TSPAN1: variants seen among roughly 807,000 people sequenced by gnomAD.
TSPAN1 encodes the protein tetraspanin 1, also known as tetraspanin-1.
Under a neutral mutation model 26.9 loss-of-function variants are expected in TSPAN1, and 23 were observed. The observed-to-expected ratio is 0.85, with a 90% confidence interval of 0.62 to 1.21. The LOEUF is 1.21. TSPAN1 is among the 50% of genes most tolerant of loss of function. The probability of loss-of-function intolerance (pLI) is 0.00; values close to 1 mark genes in which losing one functional copy is unlikely to be tolerated. For synonymous variants in TSPAN1, 115 were observed against 114.8 expected, an observed-to-expected ratio of 1.00 and a Z score of -0.01; for missense variants, 283 against 298.4, an observed-to-expected ratio of 0.95 and a Z score of 0.38.
At chr1:46,190,913 A>G, downstream of TSPAN1, 4 of 856,702 alleles carry the variant, frequency 4.7e-6, no homozygotes, top group South Asian at 5.6e-5. Flanking sequence ...CTAATTTCCC[A>G]CCGTCTTCTC....
downstream of TSPAN1, among the ~76,000 whole-genome samples, chr1:46,187,279 T>C (rs1657454949): frequency 6.6e-6 from 1 of 152,156 alleles, no homozygotes; most frequent in Non-Finnish European, 1.5e-5. Context: ...ATGGTACTAG[T>C]TCCACTTGAA....
At chr1:46,188,220 T>A (rs1657481197), downstream of TSPAN1, among the ~76,000 whole-genome samples, 1 of 152,198 alleles carries the variant, frequency 6.6e-6, no homozygotes, top group Non-Finnish European at 1.5e-5. Context: ...ACACCCTTGC[T>A]CCTACATCTC....
chr1:46,181,205 G>A lies in TSPAN1; in HGVS notation c.57+41G>A, dbSNP rs1260324208. ...GTGGACTCTTTGGGGCTCCCTATAG[G>A]AGCAGGTCACAAGCTGAGTAGAGAC... On this transcript the variant is annotated intron_variant, in intron 3 of 8. Transcript: ENST00000372003. 4.4e-6 allele frequency: 7 copies of A among 1,589,524 alleles called. No individual in the cohort carries two copies. The South Asian group carries it at 7.9e-5, about 18-fold the overall frequency.
chr1:46,195,597 T>C, the TSPAN1 span: 19 of 626,088 alleles, frequency 3.0e-5, no homozygotes, highest in East Asian at 5.4e-4. Context: ...TTGTTTCCCA[T>C]TGTATCTTCA....
intron 1 of TSPAN1, chr1:46,176,587 C>T: frequency 7.9e-7 from 1 of 1,260,486 alleles, no homozygotes; most frequent in Non-Finnish European, 1.1e-6. Flanking sequence ...AGTCGTGGGC[C>T]CTGGCCCCTC....
At chr1:46,175,658 T>A (rs1657117179) in intron 1 of TSPAN1, 1 of 399,626 alleles carries the variant, frequency 2.5e-6, no homozygotes, top group Admixed American at 4.4e-5. Flanking sequence ...GGGAAGAGTT[T>A]GAGGAAGGAA....
At chr1:46,180,158 C>G (rs1657282323) in intron 1 of TSPAN1, among the ~76,000 whole-genome samples, 1 of 152,238 alleles carries the variant, frequency 6.6e-6, no homozygotes, top group Non-Finnish European at 1.5e-5. Flanking sequence ...ATGTATGTAA[C>G]TGGGTGCTTG....
At chr1:46,178,073 G>T (rs933303087) in intron 1 of TSPAN1, among the ~76,000 whole-genome samples, 80 of 152,264 alleles carry the variant, frequency 5.3e-4, no homozygotes, top group Non-Finnish European at 1.5e-4. Context: ...GAAACAGAAA[G>T]GTTCCAGGTG....
At chr1:46,194,840 G>C in the TSPAN1 span, 1 of 1,614,022 alleles carries the variant, frequency 6.2e-7, no homozygotes, top group Non-Finnish European at 8.5e-7. Context: ...TCTGATGCCG[G>C]CACCTCCTTT....
At chr1:46,186,748 G>A (rs571152654), downstream of TSPAN1, among the ~76,000 whole-genome samples, 14 of 141,980 alleles carry the variant, frequency 9.9e-5, no homozygotes, top group Non-Finnish European at 1.7e-4. Flanking sequence ...TGCAGGCTCC[G>A]CCCCCTGGGG....
the TSPAN1 span, among the ~76,000 whole-genome samples, chr1:46,196,297 A>C: frequency 6.6e-6 from 1 of 152,130 alleles, no homozygotes; most frequent in African/African-American, 2.4e-5. This position sits in a 1 kb window ranked among gnomAD's most constrained non-coding sequence, Gnocchi z 4.4. Flanking sequence ...CCTCCCCTCC[A>C]TGACTTTCAT....
intron 7 of TSPAN1, 54 bp downstream of exon 7, chr1:46,185,169 A>G (rs1657400779): frequency 6.2e-7 from 1 of 1,614,100 alleles, no homozygotes. Flanking sequence ...AGAGTGGCAA[A>G]CGGGGATGGG....
At chr1:46,191,919 C>G in the TSPAN1 span, 1 of 1,014,570 alleles carries the variant, frequency 9.9e-7, no homozygotes, top group Non-Finnish European at 1.4e-6. Flanking sequence ...CAGGCGTGAG[C>G]CACCGCGCCC....
At chr1:46,195,968 A>T in the TSPAN1 span, 1 of 1,614,134 alleles carries the variant, frequency 6.2e-7, no homozygotes, top group East Asian at 2.2e-5. Context: ...CATCAGCAAG[A>T]GCCCAGCTCC....
At chr1:46,176,494 G>T (rs1418797125) in intron 1 of TSPAN1, 4 of 1,534,312 alleles carry the variant, frequency 2.6e-6, no homozygotes, top group Non-Finnish European at 3.5e-6. Context: ...CTTCTGCAGT[G>T]TGCCTGGGGG....
the TSPAN1 span, chr1:46,195,751 G>A: frequency 1.4e-6 from 2 of 1,454,578 alleles, no homozygotes; most frequent in Admixed American, 3.9e-5. Flanking sequence ...AGAGAAGCCG[G>A]GGCTAGAAGC....
chr1:46,177,348 A>AATAT (rs1052236775), intron 1 of TSPAN1, among the ~76,000 whole-genome samples: 3 of 100,034 alleles, frequency 3.0e-5, no homozygotes. Flanking sequence ...AAAAAAAAAA[A>AATAT]ATATATCTAT....
At chr1:46,177,780 T>G (rs1387909404) in intron 1 of TSPAN1, among the ~76,000 whole-genome samples, 5 of 152,210 alleles carry the variant, frequency 3.3e-5, no homozygotes, top group African/African-American at 1.2e-4. Context: ...AGTACTGGTT[T>G]GGGAATTACA....
At chr1:46,189,236 C>T (rs200540049), downstream of TSPAN1, 929 of 1,600,536 alleles carry the variant, frequency 5.8e-4, 13 homozygotes, top group Middle Eastern at 1.7e-4. Context: ...TGGGGGTACA[C>T]AGTACCCAGC....
Sources: gnomAD v4.1 joint callset for allele counts (sites outside exome capture counted in the v4.1 genomes callset) on GRCh38, gnomAD v4.1.1 for gene constraint, Gnocchi (gnomAD v3.1) non-coding constraint, MANE v1.5 for transcripts, NCBI Gene and HGNC (gene_info 2026-07-23, HGNC 2026-07-21) for gene names.